The following PARD3B variants were observed in gnomAD, a reference collection of about 807,000 sequenced individuals.
PARD3B encodes par-3 family cell polarity regulator beta, also known as partitioning defective 3 homolog B.
PARD3B carries 103 observed loss-of-function variants against 130.2 expected under a neutral mutation model. That is an observed-to-expected ratio of 0.79 (90% CI 0.67 to 0.93). The LOEUF is 0.93. Ranked by LOEUF, PARD3B falls within the 40% of genes least tolerant of loss-of-function variation. The pLI is 0.00. For synonymous variants in PARD3B, 583 were observed against 553.2 expected (o/e 1.05, Z -0.76); for missense variants, 1,609 against 1,499.2 (o/e 1.07, Z -1.21).
Position 205,274,335 on chromosome 2 carries a change from A to G in PARD3B, c.2186-26195A>G, listed in dbSNP as rs1012796695. Among the ~76,000 whole-genome samples, 1 of 152,106 alleles carries G rather than the reference A, an allele frequency of 6.6e-6. No homozygotes were observed. The highest frequency in any genetic ancestry group is 2.4e-5 in the African/African-American group (1 of 41,448). On this transcript the variant is annotated intron_variant, in intron 16 of 22. Transcript: ENST00000406610. The surrounding 1 kb of genome is among the most constrained non-coding windows in gnomAD (Gnocchi z 4.2). ...CTTGAAACTTAGAAAATTTGCAAGA[A>G]TAATCAGCTGATTTCATTCCTGATG...
chr2:205,383,101 T>TAGATAGATAGATAGAGAGATAGATAGAG, intron 18 of PARD3B, among the ~76,000 whole-genome samples: 1 of 132,344 alleles, frequency 7.6e-6, no homozygotes, highest in Admixed American at 8.1e-5. Context: ...GATAGATAGA[T>TAGATAGATAGATAGAGAGATAGATAGAG]AGATAGATAG....
At chr2:204,741,555 T>G (rs2040012309) in intron 2 of PARD3B, among the ~76,000 whole-genome samples, 1 of 152,330 alleles carries the variant, frequency 6.6e-6, no homozygotes, top group South Asian at 2.1e-4. Context: ...GAGCCCTCCA[T>G]GTTATTTTCC....
chr2:205,323,815 T>A (rs983855441), intron 18 of PARD3B, among the ~76,000 whole-genome samples: 1 of 152,202 alleles, frequency 6.6e-6, no homozygotes, highest in African/African-American at 2.4e-5. Flanking sequence ...AGTGCAGTGT[T>A]ATGTCTACTG....
At chr2:204,987,972 G>C (rs1455001652) in intron 3 of PARD3B, among the ~76,000 whole-genome samples, 1 of 152,008 alleles carries the variant, frequency 6.6e-6, no homozygotes, top group African/African-American at 2.4e-5. Flanking sequence ...ATGAAAAATA[G>C]ACTTCAGGGA....
rs941493636 is a variant in PARD3B at position 205,300,058 on chromosome 2, A to G, written c.2186-472A>G. Among the ~76,000 whole-genome samples, 5 of 152,180 alleles carry G rather than the reference A, an allele frequency of 3.3e-5. No individual in the cohort carries two copies. Among genetic ancestry groups the G allele is most frequent in the Admixed American group, 2.6e-4 (4 of 15,286 alleles). On this transcript the variant is annotated intron_variant, in intron 16 of 22. Transcript: ENST00000406610. The surrounding 1 kb of genome is among the most constrained non-coding windows in gnomAD (Gnocchi z 4.1). ...AACCATGGCAATGATAAAAGCTGTC[A>G]GGTGTGGGAGTGCTAGGACGATACT...
intron 16 of PARD3B, among the ~76,000 whole-genome samples, chr2:205,254,813 C>T (rs1188905460): frequency 1.3e-5 from 2 of 151,108 alleles, no homozygotes; most frequent in African/African-American, 2.4e-5. Flanking sequence ...TACAGGCGCC[C>T]GCCACCTCGC....
chr2:204,630,914 A>G (rs534426547), intron 1 of PARD3B, among the ~76,000 whole-genome samples: 1 of 152,010 alleles, frequency 6.6e-6, no homozygotes, highest in South Asian at 2.1e-4. Context: ...ACCAGCTCCT[A>G]GATATGTTGA....
At position 205,160,789 on chromosome 2, in the gene PARD3B, A is replaced by G. The variant is rs75573940; in HGVS notation, c.1620+1882A>G. 2.3e-3 allele frequency among the ~76,000 whole-genome samples: 351 copies of G among 152,324 alleles called. 7 individuals are homozygous for G. The East Asian group carries it at 0.031, about 14-fold the overall frequency. On this transcript the variant is annotated intron_variant, in intron 11 of 22. Coordinates refer to ENST00000406610, the MANE Select transcript of PARD3B (RefSeq NM_001302769.2). This position sits in a 1 kb window ranked among gnomAD's most constrained non-coding sequence, Gnocchi z 4.0. ...TGGATTATTTTCAGTCCATTTTATC[A>G]AAGTGGAAATTACAGATTAGACCCT...
At chr2:204,864,435 T>C (rs1263979229) in intron 2 of PARD3B, among the ~76,000 whole-genome samples, 1 of 152,194 alleles carries the variant, frequency 6.6e-6, no homozygotes, top group South Asian at 2.1e-4. Context: ...GACTTTTTTT[T>C]ATTGCTTGAC....
At chr2:205,259,887 G>A (rs1359872198) in intron 16 of PARD3B, among the ~76,000 whole-genome samples, 2 of 152,072 alleles carry the variant, frequency 1.3e-5, no homozygotes, top group African/African-American at 4.8e-5. Flanking sequence ...TTTTGGGGAT[G>A]GGACCCAAGT....
intron 2 of PARD3B, among the ~76,000 whole-genome samples, chr2:204,857,870 G>A (rs1366987275): frequency 6.6e-6 from 1 of 152,144 alleles, no homozygotes; most frequent in Admixed American, 6.6e-5. Flanking sequence ...GACATAATTA[G>A]AGATTCTGAA....
chr2:204,936,373 G>A (rs1168610011), intron 2 of PARD3B, among the ~76,000 whole-genome samples: 1 of 152,100 alleles, frequency 6.6e-6, no homozygotes, highest in Non-Finnish European at 1.5e-5. Context: ...ATTGACAAAG[G>A]TAAAATATTG....
At chr2:205,472,537 A>G (rs1379004815) in intron 20 of PARD3B, among the ~76,000 whole-genome samples, 1 of 152,200 alleles carries the variant, frequency 6.6e-6, no homozygotes, top group Non-Finnish European at 1.5e-5. Flanking sequence ...ATATCATTAA[A>G]GAGGGGCTGA....
intron 13 of PARD3B, among the ~76,000 whole-genome samples, chr2:205,185,296 T>A (rs2125786229): frequency 6.6e-6 from 1 of 152,266 alleles, no homozygotes; most frequent in African/African-American, 2.4e-5. Flanking sequence ...ATCTCCACTA[T>A]GTCTAAATGG....
intron 1 of PARD3B, among the ~76,000 whole-genome samples, chr2:204,670,228 T>C (rs1446711277): frequency 6.6e-6 from 1 of 152,230 alleles, no homozygotes; most frequent in African/African-American, 2.4e-5. Flanking sequence ...GTAAATATTT[T>C]AGCCTTTGCA....
At chr2:205,388,357 A>G (rs1427734592) in intron 18 of PARD3B, among the ~76,000 whole-genome samples, 2 of 152,248 alleles carry the variant, frequency 1.3e-5, no homozygotes, top group Admixed American at 1.3e-4. Flanking sequence ...AGAACAAAAT[A>G]CACTTACATA....
intron 16 of PARD3B, among the ~76,000 whole-genome samples, chr2:205,283,625 C>T (rs1354645821): frequency 6.6e-6 from 1 of 152,128 alleles, no homozygotes; most frequent in African/African-American, 2.4e-5. Context: ...ACTTTCATTA[C>T]CCAAACTATG....
At chr2:205,208,716 A>C (rs1369675753) in intron 15 of PARD3B, among the ~76,000 whole-genome samples, 1 of 144,754 alleles carries the variant, frequency 6.9e-6, no homozygotes, top group Non-Finnish European at 1.5e-5. Flanking sequence ...AATGAAATAA[A>C]AGAGGATACA....
At chr2:205,016,108 C>T (rs1307024111) in intron 3 of PARD3B, among the ~76,000 whole-genome samples, 2 of 152,136 alleles carry the variant, frequency 1.3e-5, no homozygotes, top group African/African-American at 2.4e-5. Flanking sequence ...TCTCTTCTTT[C>T]GTCTCTCTGC....
Sources: allele counts gnomAD v4.1 joint callset (sites outside exome capture counted in the v4.1 genomes callset), GRCh38; gene constraint gnomAD v4.1.1; non-coding constraint Gnocchi (gnomAD v3.1); transcripts MANE v1.5; gene names NCBI Gene and HGNC (gene_info 2026-07-23, HGNC 2026-07-21).